The following RALYL variants were observed in gnomAD, a reference collection of about 807,000 sequenced individuals.
RALYL encodes RALY RNA binding protein like.
Under a neutral mutation model 35.1 loss-of-function variants are expected in RALYL, and 29 were observed. The observed-to-expected ratio is 0.83, with a 90% CI of 0.61 to 1.13. The LOEUF (loss-of-function observed/expected upper bound fraction) is 1.13, where lower values mean the gene tolerates loss of function less well. RALYL is among the 50% of genes most tolerant of loss of function. The pLI, the probability that RALYL is intolerant of heterozygous loss-of-function variation, is 0.00. For missense variants in RALYL, 359 were observed against 360.4 expected (o/e 1.00, Z 0.03); for synonymous variants, 120 against 127.6 (o/e 0.94, Z 0.40).
At chr8:84,532,494 C>A (rs539652403) in intron 2 of RALYL, among the ~76,000 whole-genome samples, 1 of 152,086 alleles carries the variant, frequency 6.6e-6, no homozygotes, top group African/African-American at 2.4e-5. Flanking sequence ...AAACCCCGGC[C>A]AGTTCTTAAT....
intron 4 of RALYL, among the ~76,000 whole-genome samples, chr8:84,823,344 G>A (rs922089165): frequency 6.6e-6 from 1 of 152,086 alleles, no homozygotes; most frequent in African/African-American, 2.4e-5. Flanking sequence ...ATTCTAATCT[G>A]CTGAAGAAGA....
intron 2 of RALYL, among the ~76,000 whole-genome samples, chr8:84,548,800 T>C (rs1015330247): frequency 5.9e-5 from 9 of 152,196 alleles, no homozygotes; most frequent in Non-Finnish European, 1.3e-4. Flanking sequence ...TCTTTTTTCT[T>C]TTTGGACCTA....
intron 2 of RALYL, among the ~76,000 whole-genome samples, chr8:84,751,769 A>G (rs1341858651): frequency 3.3e-5 from 5 of 152,054 alleles, no homozygotes; most frequent in African/African-American, 1.2e-4. Context: ...CTGTGCCAAG[A>G]TTGAAAGTTT....
At chr8:84,575,656 C>A (rs923543410) in intron 2 of RALYL, among the ~76,000 whole-genome samples, 1 of 152,158 alleles carries the variant, frequency 6.6e-6, no homozygotes, top group African/African-American at 2.4e-5. Context: ...TGGACATCCT[C>A]TGCTTTTTTA....
chr8:84,390,678 C>A (rs892236230), intron 1 of RALYL, among the ~76,000 whole-genome samples: 10 of 151,916 alleles, frequency 6.6e-5, no homozygotes, highest in African/African-American at 2.4e-4. Context: ...TCTGTGGGAT[C>A]AGTGGTGATA....
intron 2 of RALYL, among the ~76,000 whole-genome samples, chr8:84,713,871 A>G (rs1842567728): frequency 6.6e-6 from 1 of 151,266 alleles, no homozygotes; most frequent in South Asian, 2.1e-4. Context: ...TATGATATAT[A>G]TATATCTCAT....
At chr8:84,263,909 C>G (rs901957490) in intron 1 of RALYL, among the ~76,000 whole-genome samples, 5 of 152,156 alleles carry the variant, frequency 3.3e-5, no homozygotes, top group Non-Finnish European at 5.9e-5. Flanking sequence ...ATAATGGCTT[C>G]CAGCTTCATC....
At chr8:84,510,809 A>T (rs2057552224) in intron 1 of RALYL, among the ~76,000 whole-genome samples, 1 of 109,234 alleles carries the variant, frequency 9.2e-6, no homozygotes, top group Admixed American at 8.9e-5. Context: ...AAACTATCTC[A>T]AAAAAAAAAA....
chr8:84,690,382 G>T (rs1192067343), intron 2 of RALYL, among the ~76,000 whole-genome samples: 3 of 152,072 alleles, frequency 2.0e-5, no homozygotes, highest in Non-Finnish European at 4.4e-5. Flanking sequence ...CTGAAGAATG[G>T]GAGAAATTGG....
chr8:84,746,308 A>G (rs1357056281), intron 2 of RALYL, among the ~76,000 whole-genome samples: 2 of 152,070 alleles, frequency 1.3e-5, no homozygotes, highest in Admixed American at 6.6e-5. Flanking sequence ...ACTACATTTT[A>G]TATGATACTT....
intron 1 of RALYL, among the ~76,000 whole-genome samples, chr8:84,462,547 A>G (rs773197614): frequency 3.8e-4 from 57 of 150,676 alleles, no homozygotes; most frequent in Admixed American, 1.4e-3. Flanking sequence ...ATGCAAGTCT[A>G]TAATCACTTT....
intron 1 of RALYL, among the ~76,000 whole-genome samples, chr8:84,225,184 T>C (rs568849628): frequency 6.6e-6 from 1 of 152,230 alleles, no homozygotes; most frequent in African/African-American, 2.4e-5. Context: ...GATTCTGGTA[T>C]AAAATGTGTG....
At chr8:84,714,971 A>C (rs1842745542) in intron 2 of RALYL, among the ~76,000 whole-genome samples, 1 of 147,384 alleles carries the variant, frequency 6.8e-6, no homozygotes, top group Admixed American at 6.7e-5. Context: ...TTCCTACAAA[A>C]AAAATGAAAG....
intron 1 of RALYL, among the ~76,000 whole-genome samples, chr8:84,490,507 G>C (rs2055167182): frequency 6.6e-6 from 1 of 151,844 alleles, no homozygotes; most frequent in Admixed American, 6.6e-5. Flanking sequence ...GGTTGGAACT[G>C]TTAAAAACTG....
chr8:84,376,542 A>G (rs1430841859), intron 1 of RALYL, among the ~76,000 whole-genome samples: 1 of 151,814 alleles, frequency 6.6e-6, no homozygotes, highest in Non-Finnish European at 1.5e-5. Context: ...TAGCAAGTAT[A>G]AGGCATGACA....
At chr8:84,836,569 G>T (rs1338624834) in intron 4 of RALYL, among the ~76,000 whole-genome samples, 27 of 152,070 alleles carry the variant, frequency 1.8e-4, no homozygotes. Context: ...CATACGTATT[G>T]GTGACATACA....
At chr8:84,695,115 C>CT (rs1838873978) in intron 2 of RALYL, among the ~76,000 whole-genome samples, 1 of 151,570 alleles carries the variant, frequency 6.6e-6, no homozygotes, top group African/African-American at 2.4e-5. Flanking sequence ...TAAAAGTTTT[C>CT]TTTTTTACAT....
intron 1 of RALYL, among the ~76,000 whole-genome samples, chr8:84,386,186 A>G (rs1017779006): frequency 6.6e-6 from 1 of 151,770 alleles, no homozygotes; most frequent in African/African-American, 2.4e-5. Context: ...TGTAATTACT[A>G]TTGCCACTCT....
intron 1 of RALYL, among the ~76,000 whole-genome samples, chr8:84,210,299 C>T (rs1394613953): frequency 6.6e-6 from 1 of 151,826 alleles, no homozygotes; most frequent in Non-Finnish European, 1.5e-5. Context: ...TCTGTATTGA[C>T]AGCTGATAAA....
Sources: allele counts gnomAD v4.1 joint callset (sites outside exome capture counted in the v4.1 genomes callset), GRCh38; gene constraint gnomAD v4.1.1; transcripts MANE v1.5; gene names NCBI Gene and HGNC (gene_info 2026-07-23, HGNC 2026-07-21).